The following ROR2 variants were observed in gnomAD, a reference collection of about 807,000 sequenced individuals.
The protein encoded by ROR2 is ROR family WNT receptor 2, also known as tyrosine-protein kinase transmembrane receptor ROR2.
Under a neutral mutation model 74.9 loss-of-function variants are expected in ROR2, and 33 were observed. That is an observed-to-expected ratio of 0.44 (90% CI 0.33 to 0.59). The LOEUF (loss-of-function observed/expected upper bound fraction) is 0.59. Among genes scored for constraint, ROR2 ranks in the 20% least tolerant of loss-of-function variants. ROR2 has a pLI of 0.02. For missense variants in ROR2, 1,216 were observed against 1,313.8 expected (o/e 0.93, Z 1.15); for synonymous variants, 586 against 558.7 (o/e 1.05, Z -0.69).
chr9:91,924,192 AG>A (rs990194297), intron 1 of ROR2, among the ~76,000 whole-genome samples: 23 of 152,224 alleles, frequency 1.5e-4, no homozygotes, highest in Non-Finnish European at 2.9e-5. Flanking sequence ...CCTCCATGGT[AG>A]GTGATCCCTC....
rs554661158 is a variant in ROR2 at position 91,945,965 on chromosome 9, C to T, written c.97+3902G>A. 1.4e-4 allele frequency among the ~76,000 whole-genome samples: 22 copies of T among 152,268 alleles called. No individual in the cohort carries two copies. The East Asian group carries it at 2.7e-3, about 19-fold the overall frequency. ...TGCAGCTATAATTAATGGGCTGGAG[C>T]GCCTCTTGTTGCTTGGATTTTTACT... is the stretch of plus-strand genomic sequence containing the variant. On this transcript the variant is annotated intron_variant, in intron 1 of 8. Coordinates refer to ENST00000375708, the MANE Select transcript of ROR2 (RefSeq NM_004560.4).
At chr9:91,910,543 C>G (rs145864958) in intron 1 of ROR2, among the ~76,000 whole-genome samples, 1 of 152,036 alleles carries the variant, frequency 6.6e-6, no homozygotes, top group Non-Finnish European at 1.5e-5. Context: ...AAAACACAAC[C>G]AAGGCAATGA....
chr9:91,753,498 T>TA (rs752182313), intron 4 of ROR2, among the ~76,000 whole-genome samples: 5 of 152,346 alleles, frequency 3.3e-5, no homozygotes, highest in South Asian at 4.1e-4. Context: ...GAAAGTAACC[T>TA]ACGAATGACC....
chr9:91,922,611 G>A (rs548908042), intron 1 of ROR2, among the ~76,000 whole-genome samples: 38 of 152,190 alleles, frequency 2.5e-4, no homozygotes, highest in Non-Finnish European at 2.5e-4. Flanking sequence ...GTACCACCAT[G>A]CCCGGCTAAT....
At chr9:91,759,447 T>A (rs901521700) in intron 2 of ROR2, among the ~76,000 whole-genome samples, 4 of 152,188 alleles carry the variant, frequency 2.6e-5, no homozygotes, top group Non-Finnish European at 5.9e-5. Context: ...GTCACTAAAA[T>A]GCTGATGACA....
chr9:91,839,276 G>GTGTGTGTGTGTGTGTGTAAGTACAGGCC (rs2119210710), intron 1 of ROR2, among the ~76,000 whole-genome samples: 1 of 110,440 alleles, frequency 9.1e-6, no homozygotes, highest in Non-Finnish European at 1.7e-5. Context: ...GTGTGTGTGT[G>GTGTGTGTGTGTGTGTGTAAGTACAGGCC]TGTGTGTGTG....
intron 7 of ROR2, among the ~76,000 whole-genome samples, chr9:91,727,968 C>A (rs1343209378): frequency 6.6e-6 from 1 of 152,216 alleles, no homozygotes; most frequent in Non-Finnish European, 1.5e-5. Flanking sequence ...AGCAGCTTCC[C>A]CTCTGAAAGG....
chr9:91,940,328 G>C (rs890684291), intron 1 of ROR2, among the ~76,000 whole-genome samples: 4 of 152,232 alleles, frequency 2.6e-5, no homozygotes, highest in African/African-American at 9.6e-5. Flanking sequence ...CGGGGGAAAT[G>C]AAACGAAATG....
intron 2 of ROR2, among the ~76,000 whole-genome samples, chr9:91,768,721 G>A (rs962113296): frequency 3.3e-5 from 5 of 152,152 alleles, no homozygotes; most frequent in Non-Finnish European, 5.9e-5. Flanking sequence ...GCAGGAAGCC[G>A]CTGTGGGTCT....
intron 4 of ROR2, among the ~76,000 whole-genome samples, chr9:91,750,495 T>C (rs1825565888): frequency 6.6e-6 from 1 of 152,206 alleles, no homozygotes; most frequent in African/African-American, 2.4e-5. Context: ...GTAAGGCACA[T>C]CACAGCTCCC....
chr9:91,785,098 C>T (rs1826752115), intron 1 of ROR2, among the ~76,000 whole-genome samples: 1 of 151,566 alleles, frequency 6.6e-6, no homozygotes, highest in African/African-American at 2.4e-5. Context: ...CACACGTATA[C>T]ACACACACAC....
At chr9:91,783,985 G>C (rs569753744) in intron 1 of ROR2, among the ~76,000 whole-genome samples, 4 of 151,966 alleles carry the variant, frequency 2.6e-5, no homozygotes, top group Non-Finnish European at 4.4e-5. Flanking sequence ...AATAACACCA[G>C]AACACCTACA....
rs995436585 is a variant in ROR2 at position 91,733,819 on chromosome 9, G to A, written c.623-383C>T. On this transcript the variant is annotated intron_variant, in intron 5 of 8. Transcript: ENST00000375708. The surrounding 1 kb of genome is among the most constrained non-coding windows in gnomAD (Gnocchi z 5.7). Reference sequence around the variant, plus strand: ...AGATCCTAAGGACCCGCCATGTGTGGAGAGCGCAGGCCAAGAAGTGCAGTA... The same window carrying A: ...AGATCCTAAGGACCCGCCATGTGTGAAGAGCGCAGGCCAAGAAGTGCAGTA... Among the ~76,000 whole-genome samples, 2 of 152,186 alleles carry A rather than the reference G, an allele frequency of 1.3e-5. No individual in the cohort carries two copies. The highest frequency in any genetic ancestry group is 4.8e-5 in the African/African-American group (2 of 41,444).
At chr9:91,849,472 G>T (rs373201427) in intron 1 of ROR2, among the ~76,000 whole-genome samples, 1 of 152,216 alleles carries the variant, frequency 6.6e-6, no homozygotes, top group Non-Finnish European at 1.5e-5. Context: ...CGGCTAGAAA[G>T]AACCCTGGGC....
At chr9:91,777,669 C>T (rs751589576) in intron 1 of ROR2, among the ~76,000 whole-genome samples, 4 of 152,102 alleles carry the variant, frequency 2.6e-5, no homozygotes, top group African/African-American at 7.2e-5. Context: ...CCCAAAAAAC[C>T]TCATTCCCAT....
chr9:91,745,042 A>G (rs568610158), intron 4 of ROR2, among the ~76,000 whole-genome samples: 1 of 152,366 alleles, frequency 6.6e-6, no homozygotes, highest in African/African-American at 2.4e-5. Context: ...GTGAGTGCAC[A>G]TCAAGTGTGC....
intron 1 of ROR2, among the ~76,000 whole-genome samples, chr9:91,896,043 T>C (rs1471093874): frequency 6.6e-6 from 1 of 152,130 alleles, no homozygotes; most frequent in Admixed American, 6.5e-5. Flanking sequence ...CTTTCAAAAA[T>C]ATTCAAACAG....
chr9:91,926,471 G>A (rs756923346), intron 1 of ROR2, among the ~76,000 whole-genome samples: 6 of 150,244 alleles, frequency 4.0e-5, no homozygotes, highest in African/African-American at 9.8e-5. Flanking sequence ...GCTTGAACCC[G>A]GGAGGTGGAG....
chr9:91,836,135 T>C (rs1210720325), intron 1 of ROR2, among the ~76,000 whole-genome samples: 1 of 152,202 alleles, frequency 6.6e-6, no homozygotes, highest in Non-Finnish European at 1.5e-5. Context: ...GTGGCCTCCT[T>C]CTTTCCTTTG....
Sources: allele counts gnomAD v4.1 joint callset (sites outside exome capture counted in the v4.1 genomes callset), GRCh38; gene constraint gnomAD v4.1.1; non-coding constraint Gnocchi (gnomAD v3.1); transcripts MANE v1.5; gene names NCBI Gene and HGNC (gene_info 2026-07-23, HGNC 2026-07-21).